The following ROBO2 variants were observed in gnomAD, a reference collection of about 807,000 sequenced individuals.
ROBO2 encodes the protein roundabout homolog 2.
ROBO2 carries 53 observed loss-of-function variants against 160.8 expected under a neutral mutation model. That is an observed-to-expected ratio of 0.33 (90% confidence interval 0.26 to 0.41). ROBO2 has a LOEUF of 0.41. ROBO2 is among the 10% of genes least tolerant of loss of function. The pLI, the probability that ROBO2 is intolerant of heterozygous loss-of-function variation, is 1.00. For synonymous variants in ROBO2, 664 were observed against 611.7 expected (o/e 1.09, Z -1.26); for missense variants, 1,577 against 1,722.4 (o/e 0.92, Z 1.49).
intron 2 of ROBO2, among the ~76,000 whole-genome samples, chr3:76,126,074 A>G (rs2070975104): frequency 6.6e-6 from 1 of 152,142 alleles, no homozygotes; most frequent in South Asian, 2.1e-4. Flanking sequence ...TCGGCCTCCC[A>G]AAGTGCTGGG....
chr3:76,691,698 G>A (rs1351997090), intron 2 of ROBO2, among the ~76,000 whole-genome samples: 2 of 152,134 alleles, frequency 1.3e-5, no homozygotes, highest in African/African-American at 4.8e-5. Context: ...TGGAGATCAT[G>A]AGATCAATAA....
At chr3:76,734,582 A>T (rs1354181988) in intron 2 of ROBO2, among the ~76,000 whole-genome samples, 2 of 152,146 alleles carry the variant, frequency 1.3e-5, no homozygotes, top group Admixed American at 6.5e-5. Context: ...TCTGGCTCTT[A>T]ACCTGAGCCA....
At chr3:76,053,073 G>T (rs1192439410) in intron 2 of ROBO2, among the ~76,000 whole-genome samples, 1 of 151,930 alleles carries the variant, frequency 6.6e-6, no homozygotes, top group African/African-American at 2.4e-5. Flanking sequence ...ATTGCCACTT[G>T]CCTAGCTTCC....
chr3:76,900,254 C>T (rs2075123780), intron 2 of ROBO2, among the ~76,000 whole-genome samples: 1 of 152,160 alleles, frequency 6.6e-6, no homozygotes, highest in African/African-American at 2.4e-5. Flanking sequence ...ATGGAAACTA[C>T]AAGATGAGAT....
Position 77,144,500 on chromosome 3 carries a change from T to C in ROBO2, c.388+46160T>C, listed in dbSNP as rs559301080. 1.9e-4 allele frequency among the ~76,000 whole-genome samples: 29 copies of C among 152,360 alleles called. No homozygotes were observed. The South Asian group carries it at 3.9e-3, about 21-fold the overall frequency. On this transcript the variant is annotated intron_variant, in intron 2 of 25. Transcript: ENST00000461745. ...TTGCAGTATGTTCTTCTTAAAATAA[T>C]ACATTTTGATTTGTCTCAACTATAT...
At chr3:76,180,326 G>C (rs1701443248) in intron 2 of ROBO2, among the ~76,000 whole-genome samples, 1 of 152,092 alleles carries the variant, frequency 6.6e-6, no homozygotes, top group Non-Finnish European at 1.5e-5. Context: ...TGCTGATTCT[G>C]ACTTTGCTGA....
intron 2 of ROBO2, among the ~76,000 whole-genome samples, chr3:76,697,910 A>T (rs1320322356): frequency 3.3e-5 from 5 of 152,174 alleles, no homozygotes; most frequent in South Asian, 2.1e-4. Context: ...ATCTTAAAAA[A>T]TTTGGAAGAA....
At chr3:77,631,659 T>A in intron 23 of ROBO2, 1 of 152,034 alleles carries the variant, frequency 6.6e-6, no homozygotes, top group African/African-American at 2.4e-5. Context: ...TAAGAAAAAA[T>A]GTTTCTGAGT....
At chr3:76,366,249 A>G (rs1253786148) in intron 2 of ROBO2, among the ~76,000 whole-genome samples, 3 of 152,052 alleles carry the variant, frequency 2.0e-5, no homozygotes, top group Non-Finnish European at 1.5e-5. Flanking sequence ...TCCTCTTCCT[A>G]GAACCATCAT....
At chr3:76,437,529 G>A (rs181506823) in intron 2 of ROBO2, among the ~76,000 whole-genome samples, 41 of 152,106 alleles carry the variant, frequency 2.7e-4, no homozygotes, top group Middle Eastern at 3.2e-3. Flanking sequence ...TGTCACATGT[G>A]AATTTTAAAC....
At chr3:77,048,624 G>A (rs980027679) in intron 1 of ROBO2, among the ~76,000 whole-genome samples, 14 of 152,264 alleles carry the variant, frequency 9.2e-5, no homozygotes, top group African/African-American at 3.4e-4. Context: ...GAGAACCGAA[G>A]ACCTAAGTAA....
At chr3:77,099,762 G>A (rs2071646018) in intron 2 of ROBO2, among the ~76,000 whole-genome samples, 1 of 151,748 alleles carries the variant, frequency 6.6e-6, no homozygotes. Flanking sequence ...GAATATGACT[G>A]GCATTATTCT....
intron 2 of ROBO2, among the ~76,000 whole-genome samples, chr3:75,963,983 T>C (rs1404647440): frequency 3.3e-5 from 5 of 151,806 alleles, no homozygotes; most frequent in African/African-American, 1.2e-4. Context: ...CTTTCAGAAA[T>C]ACTAGGCTTT....
intron 2 of ROBO2, among the ~76,000 whole-genome samples, chr3:76,445,270 C>A (rs570834532): frequency 6.6e-6 from 1 of 152,130 alleles, no homozygotes; most frequent in African/African-American, 2.4e-5. Flanking sequence ...AAAAAAACTC[C>A]AAATTGTCAA....
chr3:77,572,387 G>A (rs2093659082), intron 13 of ROBO2, among the ~76,000 whole-genome samples: 1 of 151,850 alleles, frequency 6.6e-6, no homozygotes. Context: ...TTATTTCATA[G>A]TGTCAGAAAA....
chr3:76,604,909 T>C (rs1322020804), intron 2 of ROBO2, among the ~76,000 whole-genome samples: 1 of 152,136 alleles, frequency 6.6e-6, no homozygotes, highest in African/African-American at 2.4e-5. Context: ...ATAGATAGCT[T>C]TTACATTTAT....
At chr3:76,489,472 T>C (rs921319315) in intron 2 of ROBO2, among the ~76,000 whole-genome samples, 12 of 152,122 alleles carry the variant, frequency 7.9e-5, no homozygotes, top group Non-Finnish European at 1.6e-4. Flanking sequence ...AATTACAAAG[T>C]TAAACCACAC....
At chr3:76,794,031 T>G (rs1658297654) in intron 2 of ROBO2, among the ~76,000 whole-genome samples, 2 of 151,948 alleles carry the variant, frequency 1.3e-5, no homozygotes, top group African/African-American at 4.8e-5. Context: ...CACCTTTCCC[T>G]GGAATAGGAC....
At chr3:77,286,473 C>G (rs1179127860) in intron 2 of ROBO2, among the ~76,000 whole-genome samples, 5 of 152,038 alleles carry the variant, frequency 3.3e-5, no homozygotes, top group African/African-American at 1.2e-4. Flanking sequence ...CCAGGCTGGT[C>G]TCGAATTCCT....
Sources: gnomAD v4.1 joint callset for allele counts (sites outside exome capture counted in the v4.1 genomes callset) on GRCh38, gnomAD v4.1.1 for gene constraint, MANE v1.5 for transcripts, NCBI Gene and HGNC (gene_info 2026-07-23, HGNC 2026-07-21) for gene names.